The following CFAP70 variants were observed in gnomAD, a reference collection of about 807,000 sequenced individuals.
The protein encoded by CFAP70 is cilia- and flagella-associated protein 70.
A neutral mutation model predicts 137.6 loss-of-function variants in CFAP70; 81 were observed. The observed-to-expected ratio is 0.59, with a 90% CI of 0.49 to 0.71. The LOEUF (loss-of-function observed/expected upper bound fraction) is 0.71. CFAP70 is among the 30% of genes least tolerant of loss of function. CFAP70 has a pLI of 0.00. For synonymous variants in CFAP70, 382 were observed against 423.6 expected, an observed-to-expected ratio of 0.90 and a Z score of 1.20; for missense variants, 976 against 1,226.7, an observed-to-expected ratio of 0.80 and a Z score of 3.05.
At chr10:73,260,671 T>C (rs2045076716) in intron 25 of CFAP70, among the ~76,000 whole-genome samples, 1 of 152,194 alleles carries the variant, frequency 6.6e-6, no homozygotes, top group Non-Finnish European at 1.5e-5. Context: ...CAGGCAACCA[T>C]TGATCTATTT....
At chr10:73,289,158 C>A (rs1441338484) in intron 19 of CFAP70, among the ~76,000 whole-genome samples, 16 of 151,728 alleles carry the variant, frequency 1.1e-4, no homozygotes, top group Admixed American at 1.0e-3. Context: ...ATTGATTTTA[C>A]AACAAAAAAT....
At position 73,348,369 on chromosome 10, in the gene CFAP70, G is replaced by T. The variant is rs752888706; in HGVS notation, c.349+54C>A. The stretch of plus-strand genomic sequence containing the variant: ...AGGCTAATTTCTATATCTCTCTGGG[G>T]CTAAGTTTTATGAGCTTTTCCATTT... On this transcript the variant is annotated intron_variant, in intron 4 of 26. Transcript: ENST00000310715. 4 of 1,563,400 alleles carry T rather than the reference G, an allele frequency of 2.6e-6. No individual in the cohort carries two copies. The South Asian group carries it at 4.4e-5, about 17-fold the overall frequency.
rs1323362957 is a variant in CFAP70, at chr10:73,281,034, T to C, written c.2240-2697A>G. On this transcript the variant is annotated intron_variant, in intron 19 of 26. Transcript: ENST00000310715. ...TTCTCTTATTTTCCAATATAAGCAT[T>C]TACAGCTATAAACTTCTCTCTAGAA... 3.3e-5 allele frequency among the ~76,000 whole-genome samples: 5 copies of C among 152,180 alleles called. 1 individual carries two copies. The highest frequency in any genetic ancestry group is 7.3e-5 in the Non-Finnish European group (5 of 68,028).
intron 4 of CFAP70, 101 bp from the exon 6 acceptor site, chr10:73,345,345 G>A: frequency 9.4e-7 from 1 of 1,059,380 alleles, no homozygotes; most frequent in Non-Finnish European, 1.4e-6. Context: ...AAGATAAGAA[G>A]GTAAAGCTTA....
chr10:73,256,699 C>T (rs568198866), intron 25 of CFAP70, among the ~76,000 whole-genome samples: 5 of 151,572 alleles, frequency 3.3e-5, no homozygotes, highest in African/African-American at 7.3e-5. Context: ...GTCAGGAGAT[C>T]GAGATCATCC....
chr10:73,355,975 T>A lies in CFAP70; in HGVS notation c.-39-1140A>T, dbSNP rs1320528748. ...AGTGTTCTCTGGTAACCGTTTTTTT[T>A]AATCTGCAAAGCTCCCTTCAAACAT... On this transcript the variant is annotated intron_variant, in intron 1 of 26. Transcript: ENST00000310715. Among the ~76,000 whole-genome samples, 4 of 152,274 alleles carry A rather than the reference T, an allele frequency of 2.6e-5. No individual in the cohort carries two copies. In the East Asian group the frequency reaches 5.8e-4, roughly 22 times the overall value.
In CFAP70 at chr10:73,297,030, C is replaced by A. The variant is rs372243284; in HGVS notation, c.1644+12G>T. 1.2e-6 allele frequency: 2 copies of A among 1,611,160 alleles called. No individual in the cohort carries two copies. Among genetic ancestry groups the A allele is most frequent in the Admixed American group, 3.4e-5 (2 of 59,432 alleles). The stretch of plus-strand genomic sequence containing the variant: ...CAGAGAAAAGAAAGTGCTCTCAGTT[C>A]TTGACACTTACCTGGTTTAGGGCTA... On this transcript the variant is annotated intron_variant, in intron 15 of 26. Transcript: ENST00000310715.
At chr10:73,348,580 G>C in intron 3 of CFAP70, 59 bp from the exon 4 acceptor site, 2 of 1,118,382 alleles carry the variant, frequency 1.8e-6, no homozygotes, top group Non-Finnish European at 2.5e-6. Context: ...CGATAACCAA[G>C]CTGCAACAAA....
chr10:73,281,468 A>AT (rs2047252803), intron 19 of CFAP70, among the ~76,000 whole-genome samples: 1 of 151,746 alleles, frequency 6.6e-6, no homozygotes, highest in African/African-American at 2.4e-5. Context: ...TTAGAAGTGT[A>AT]TATTTCCAAA....
intron 25 of CFAP70, among the ~76,000 whole-genome samples, chr10:73,260,630 T>G (rs1488431950): frequency 6.6e-6 from 1 of 152,260 alleles, no homozygotes; most frequent in Non-Finnish European, 1.5e-5. Flanking sequence ...CATGCCTGTT[T>G]GCAGTTACTC....
intron 19 of CFAP70, among the ~76,000 whole-genome samples, chr10:73,287,547 G>C (rs890502771): frequency 6.6e-6 from 1 of 152,072 alleles, no homozygotes; most frequent in Non-Finnish European, 1.5e-5. Flanking sequence ...GTGTATTGTA[G>C]AATAAACTTA....
chr10:73,352,198 G>A (rs2054330512), intron 3 of CFAP70, among the ~76,000 whole-genome samples: 1 of 152,212 alleles, frequency 6.6e-6, no homozygotes, highest in Non-Finnish European at 1.5e-5. Flanking sequence ...AACATTATGA[G>A]GGGTGGGAAG....
intron 1 of CFAP70, among the ~76,000 whole-genome samples, chr10:73,357,213 C>T (rs1234915653): frequency 6.6e-6 from 1 of 152,008 alleles, no homozygotes; most frequent in African/African-American, 2.4e-5. Context: ...ATGTAGCCTC[C>T]CTTCTAAGAG....
chr10:73,328,526 A>G (rs994101377), intron 8 of CFAP70, among the ~76,000 whole-genome samples: 1 of 148,544 alleles, frequency 6.7e-6, no homozygotes, highest in South Asian at 2.3e-4. Flanking sequence ...GCACAGCAAA[A>G]GAAACTACCA....
At chr10:73,262,488 G>T (rs2045353255) in intron 25 of CFAP70, among the ~76,000 whole-genome samples, 1 of 152,036 alleles carries the variant, frequency 6.6e-6, no homozygotes, top group East Asian at 1.9e-4. Context: ...AAGCCATAAA[G>T]TGCTTCCTTT....
intron 19 of CFAP70, among the ~76,000 whole-genome samples, chr10:73,283,282 C>T (rs1295059102): frequency 2.0e-5 from 3 of 152,142 alleles, no homozygotes; most frequent in Admixed American, 6.5e-5. Context: ...GGTGATGTTC[C>T]ATGTGCACTT....
chr10:73,273,988 TG>T (rs2046506498), intron 23 of CFAP70, among the ~76,000 whole-genome samples: 1 of 152,176 alleles, frequency 6.6e-6, no homozygotes, highest in African/African-American at 2.4e-5. Context: ...TCCCAAAATA[TG>T]GGGAGGGACT....
intron 25 of CFAP70, among the ~76,000 whole-genome samples, chr10:73,263,646 G>A (rs1810848996): frequency 1.3e-5 from 2 of 152,158 alleles, no homozygotes; most frequent in African/African-American, 4.8e-5. Flanking sequence ...GGAAGCACAA[G>A]CTGCTTATCT....
chr10:73,352,393 C>T (rs112235858), intron 3 of CFAP70, among the ~76,000 whole-genome samples: 1 of 152,160 alleles, frequency 6.6e-6, no homozygotes, highest in African/African-American at 2.4e-5. Flanking sequence ...GAATTACTGT[C>T]TAAAACTTTT....
Sources: allele counts gnomAD v4.1 joint callset (sites outside exome capture counted in the v4.1 genomes callset), GRCh38; gene constraint gnomAD v4.1.1; transcripts MANE v1.5; gene names NCBI Gene and HGNC (gene_info 2026-07-23, HGNC 2026-07-21).